The following FHIT variants were observed in gnomAD, a reference collection of about 807,000 sequenced individuals.
FHIT encodes the protein fragile histidine triad diadenosine triphosphatase, also known as bis(5'-adenosyl)-triphosphatase.
A neutral mutation model predicts 17.9 loss-of-function variants in FHIT; 19 were observed. That is an observed-to-expected ratio of 1.06 (90% CI 0.74 to 1.56). The LOEUF (loss-of-function observed/expected upper bound fraction) is 1.56. Among genes scored for constraint, FHIT ranks in the 40% most tolerant of loss-of-function variants. The pLI, the probability that FHIT is intolerant of heterozygous loss-of-function variation, is 0.00. For missense variants in FHIT, 248 were observed against 189.2 expected (o/e 1.31, Z -1.82); for synonymous variants, 81 against 69.7 (o/e 1.16, Z -0.81).
At chr3:60,195,603 A>G (rs959569007) in intron 5 of FHIT, among the ~76,000 whole-genome samples, 3 of 140,844 alleles carry the variant, frequency 2.1e-5, no homozygotes, top group African/African-American at 5.1e-5. Flanking sequence ...ATAATTATAT[A>G]TATGTATATA....
intron 5 of FHIT, among the ~76,000 whole-genome samples, chr3:60,155,535 A>G (rs1193932732): frequency 6.6e-6 from 1 of 152,100 alleles, no homozygotes; most frequent in East Asian, 1.9e-4. Context: ...CCCATCTCTC[A>G]TATCCATGTG....
chr3:60,434,387 T>C (rs1327935105), intron 5 of FHIT, among the ~76,000 whole-genome samples: 2 of 152,116 alleles, frequency 1.3e-5, no homozygotes, highest in Non-Finnish European at 2.9e-5. Flanking sequence ...ACTCTGTCTT[T>C]CTCTTTCTGA....
intron 5 of FHIT, among the ~76,000 whole-genome samples, chr3:60,027,139 AC>A (rs1396960367): frequency 0.031 from 3,857 of 124,296 alleles, 203 homozygotes; most frequent in East Asian, 0.13. Context: ...ACACACACAC[AC>A]ACACACACAA....
At chr3:59,831,645 C>T (rs907788417) in intron 8 of FHIT, among the ~76,000 whole-genome samples, 11 of 152,044 alleles carry the variant, frequency 7.2e-5, no homozygotes, top group African/African-American at 2.7e-4. Flanking sequence ...CTTAACATAT[C>T]TCAGTGTCAG....
chr3:61,209,759 TTCC>T (rs1465317080), intron 1 of FHIT, among the ~76,000 whole-genome samples: 2 of 151,540 alleles, frequency 1.3e-5, no homozygotes, highest in African/African-American at 4.8e-5. Context: ...TGGTTCGAAC[TTCC>T]TCCTTTAGCT....
intron 8 of FHIT, among the ~76,000 whole-genome samples, chr3:59,818,794 T>A (rs780674231): frequency 3.9e-5 from 6 of 152,276 alleles, no homozygotes; most frequent in Admixed American, 6.5e-5. Flanking sequence ...ACAGCGCAGA[T>A]CACATGCACA....
At chr3:60,093,878 T>C (rs2107108006) in intron 5 of FHIT, among the ~76,000 whole-genome samples, 1 of 152,324 alleles carries the variant, frequency 6.6e-6, no homozygotes, top group African/African-American at 2.4e-5. Context: ...GGACTGCTGT[T>C]CTATATTGCC....
At chr3:60,581,057 C>G (rs2037734575) in intron 4 of FHIT, among the ~76,000 whole-genome samples, 1 of 152,020 alleles carries the variant, frequency 6.6e-6, no homozygotes, top group Non-Finnish European at 1.5e-5. Context: ...AGAGAGTACA[C>G]AAGAAGCAAG....
chr3:59,929,363 G>GTTTTTTTTTT (rs869243844), intron 7 of FHIT, among the ~76,000 whole-genome samples: 27 of 67,062 alleles, frequency 4.0e-4, no homozygotes, highest in African/African-American at 8.6e-4. Context: ...TGTTTTTTTG[G>GTTTTTTTTTT]TTTTTTTTTT....
At chr3:59,920,050 G>C (rs1705327271) in intron 8 of FHIT, among the ~76,000 whole-genome samples, 1 of 152,202 alleles carries the variant, frequency 6.6e-6, no homozygotes, top group Non-Finnish European at 1.5e-5. Context: ...AAGAATGGTA[G>C]ATGGGAACAT....
intron 7 of FHIT, among the ~76,000 whole-genome samples, chr3:59,961,064 C>T (rs1269162557): frequency 2.6e-5 from 4 of 152,076 alleles, no homozygotes; most frequent in Non-Finnish European, 2.9e-5. Flanking sequence ...GGGACTGAAT[C>T]GTGAATTTGA....
At chr3:59,783,253 G>A (rs377464551) in intron 8 of FHIT, among the ~76,000 whole-genome samples, 1 of 152,162 alleles carries the variant, frequency 6.6e-6, no homozygotes, top group Non-Finnish European at 1.5e-5. Context: ...GGAAGATCAC[G>A]AGGTCAAGAG....
At chr3:60,528,480 T>C (rs1031059072) in intron 5 of FHIT, among the ~76,000 whole-genome samples, 8 of 152,092 alleles carry the variant, frequency 5.3e-5, no homozygotes, top group African/African-American at 1.9e-4. Context: ...GTATCCCCCA[T>C]GCTACAAGTA....
rs368434374 is a variant in FHIT at position 60,109,628 on chromosome 3, T to C, written c.104-95476A>G. ...GAGAATAACAGAAGCAAGTGGTTAA[T>C]GGTTTCCTTAAATGCGGCAGAAAAT... On this transcript the variant is annotated intron_variant, in intron 5 of 9. Coordinates refer to ENST00000492590, the MANE Select transcript of FHIT (RefSeq NM_002012.4). Among the ~76,000 whole-genome samples the C allele has an allele frequency of 1.1e-4, 17 of 152,314 alleles. No homozygotes were observed. The East Asian group carries it at 3.1e-3, about 28-fold the overall frequency.
chr3:59,765,502 T>C (rs1050179028), intron 8 of FHIT, among the ~76,000 whole-genome samples: 1 of 152,212 alleles, frequency 6.6e-6, no homozygotes, highest in Non-Finnish European at 1.5e-5. Context: ...TTGAAAGTGA[T>C]ATTTTTACAT....
intron 1 of FHIT, among the ~76,000 whole-genome samples, chr3:61,245,930 A>T (rs2040477695): frequency 6.6e-6 from 1 of 152,182 alleles, no homozygotes; most frequent in South Asian, 2.1e-4. Context: ...AGGCATTCTT[A>T]GTCACAAGAT....
At chr3:59,783,486 C>CA (rs1195571263) in intron 8 of FHIT, among the ~76,000 whole-genome samples, 5 of 152,090 alleles carry the variant, frequency 3.3e-5, no homozygotes, top group African/African-American at 7.2e-5. Context: ...CAAAACGAAA[C>CA]AAAACAAGCA....
At chr3:60,874,207 A>G (rs937725861) in intron 3 of FHIT, among the ~76,000 whole-genome samples, 1 of 152,182 alleles carries the variant, frequency 6.6e-6, no homozygotes, top group East Asian at 1.9e-4. Flanking sequence ...AAAATAATTT[A>G]ATAAAATAAA....
At chr3:61,052,361 C>T (rs10866041) in intron 2 of FHIT, among the ~76,000 whole-genome samples, 110,367 of 151,952 alleles carry the variant, frequency 0.73, 41,905 homozygotes, top group East Asian at 0.99. Context: ...GACTTGCTAA[C>T]TGGCCCAAGT....
Sources: gnomAD v4.1 joint callset for allele counts (sites outside exome capture counted in the v4.1 genomes callset) on GRCh38, gnomAD v4.1.1 for gene constraint, MANE v1.5 for transcripts, NCBI Gene and HGNC (gene_info 2026-07-23, HGNC 2026-07-21) for gene names.